CWF19L1: variants seen among roughly 807,000 people sequenced by gnomAD.
CWF19L1 encodes the protein CWF19-like protein 1.
In CWF19L1, 60 loss-of-function variants were observed where a neutral mutation model predicts 69.7. The ratio of observed to expected loss-of-function variants is 0.86; its 90% CI spans 0.70 to 1.07. CWF19L1 has a LOEUF of 1.07. CWF19L1 is among the 50% of genes least tolerant of loss of function. The probability of loss-of-function intolerance (pLI) is 0.00; values close to 1 mark genes in which losing one functional copy is unlikely to be tolerated. For synonymous variants in CWF19L1, 209 were observed against 222.2 expected (o/e 0.94, Z 0.53); for missense variants, 591 against 638.9 (o/e 0.92, Z 0.81).
intron 1 of CWF19L1, among the ~76,000 whole-genome samples, chr10:100,264,123 G>A (rs560016730): frequency 1.3e-5 from 2 of 152,152 alleles, no homozygotes; most frequent in Non-Finnish European, 2.9e-5. Context: ...TTACTCATTT[G>A]TTTGTGGTAA....
intron 4 of CWF19L1, among the ~76,000 whole-genome samples, chr10:100,259,449 T>C (rs1170708962): frequency 3.9e-5 from 6 of 152,006 alleles, no homozygotes; most frequent in African/African-American, 1.4e-4. Flanking sequence ...AAAACCTGAG[T>C]TGCCAAAACC....
Position 100,233,184 on chromosome 10 carries a change from T to G in CWF19L1, c.*43A>C. On this transcript the variant is annotated 3_prime_UTR_variant, in exon 14 of 14. Coordinates refer to ENST00000354105, the MANE Select transcript of CWF19L1 (RefSeq NM_018294.6). ...TTTTAATTAAAAAAAAAAAAAAGCTTTACTACTTCCTGTGGAGTTCATAAA... is the reference window on the plus strand; with the variant it reads ...TTTTAATTAAAAAAAAAAAAAAGCTGTACTACTTCCTGTGGAGTTCATAAA... The G allele has an allele frequency of 6.6e-7, 1 of 1,516,794 alleles. No homozygotes were observed. Among genetic ancestry groups the G allele is most frequent in the Non-Finnish European group, 8.8e-7 (1 of 1,131,076 alleles). The allele number at this position is 1,516,794 out of a possible 1,614,324, so 94.0% of individuals were successfully genotyped here.
At chr10:100,252,744 G>A (rs1038641981) in intron 6 of CWF19L1, among the ~76,000 whole-genome samples, 2 of 150,600 alleles carry the variant, frequency 1.3e-5, no homozygotes, top group African/African-American at 4.9e-5. Flanking sequence ...GCTGAGGCAG[G>A]AGAATCACTT....
At chr10:100,265,475 T>C (rs1195209367) in intron 1 of CWF19L1, among the ~76,000 whole-genome samples, 1 of 100,038 alleles carries the variant, frequency 1.0e-5, no homozygotes, top group East Asian at 2.7e-4. Context: ...CCTACACAGG[T>C]TGTGCCCTTT....
chr10:100,264,249 T>C (rs560587508), intron 1 of CWF19L1, among the ~76,000 whole-genome samples: 11 of 152,338 alleles, frequency 7.2e-5, no homozygotes, highest in Admixed American at 6.5e-4. Context: ...TTATGTATAA[T>C]ATTTAGCATG....
chr10:100,245,900 C>A lies in CWF19L1; in HGVS notation c.863G>T (p.Cys288Phe). ...TTCATTTAAATCAAAGAAAAACTGA[C>A]AGGCTGATTCTTCCTGGAATGGCCA... is the stretch of plus-strand genomic sequence containing the variant. The part of the protein sequence containing the change: ...QILAPVEESA[C>F]QFFFDLNEKQ... Residue 288 changes from cysteine (C) to phenylalanine (F), a missense_variant, in exon 9 of 14, where the codon TGT becomes TTT. Around this residue, in one of 3 missense-constraint regions of CWF19L1, gnomAD observed 458 missense variants for 489.3 expected, o/e 0.94. Transcript: ENST00000354105. 1 of 1,613,638 alleles carries A rather than the reference C, an allele frequency of 6.2e-7. No homozygotes were observed. The highest frequency in any genetic ancestry group is 1.1e-5 in the South Asian group (1 of 91,082).
In CWF19L1 at chr10:100,236,841, C is replaced by T. The variant is rs1022963065; in HGVS notation, c.1374+9G>A. On this transcript the variant is annotated intron_variant, in intron 12 of 13. Coordinates refer to ENST00000354105, the MANE Select transcript of CWF19L1 (RefSeq NM_018294.6). ...ACTCTTCCCTGAATATCACCATCCC[C>T]TGTTTCACCTGCTTGATGTCAGAGT... 6.3e-7 allele frequency: 1 copy of T among 1,578,786 alleles called. No homozygotes were observed. Among genetic ancestry groups the T allele is most frequent in the African/African-American group, 1.4e-5 (1 of 73,086 alleles).
chr10:100,264,273 C>T (rs1000834562), intron 1 of CWF19L1, among the ~76,000 whole-genome samples: 3 of 152,158 alleles, frequency 2.0e-5, no homozygotes, highest in African/African-American at 4.8e-5. Flanking sequence ...TGGCCAGGTG[C>T]GGTGGCTTAC....
chr10:100,262,083 CATT>C lies in CWF19L1; in HGVS notation c.24-23_24-21del. On this transcript the variant is annotated intron_variant, in intron 1 of 13. Transcript: ENST00000354105. ...GCCAAGCTGCAAACAAAGAGATAAA[CATT>C]ATAGCAATTCAGGAAACAAATGGGC... 4.4e-6 allele frequency: 7 copies of C among 1,598,922 alleles called. No individual in the cohort carries two copies. The highest frequency in any genetic ancestry group is 6.0e-6 in the Non-Finnish European group (7 of 1,176,124).
chr10:100,234,494 T>C (rs1846370448), intron 13 of CWF19L1, among the ~76,000 whole-genome samples: 1 of 152,232 alleles, frequency 6.6e-6, no homozygotes, highest in South Asian at 2.1e-4. Context: ...CATCTGTTGC[T>C]GAGGCAACAA....
At chr10:100,235,270 T>A (rs1015541860) in intron 13 of CWF19L1, among the ~76,000 whole-genome samples, 1 of 152,204 alleles carries the variant, frequency 6.6e-6, no homozygotes, top group Admixed American at 6.5e-5. Flanking sequence ...AAATGAGTCA[T>A]GTATGTGTAA....
chr10:100,265,274 T>C lies in CWF19L1; in HGVS notation c.23+2297A>G, dbSNP rs1350831877. Among the ~76,000 whole-genome samples the C allele has an allele frequency of 2.0e-5, 3 of 152,114 alleles. No homozygotes were observed. The East Asian group carries it at 5.8e-4, about 29-fold the overall frequency. On this transcript the variant is annotated intron_variant, in intron 1 of 13. Transcript: ENST00000354105. ...AAGAGTCAAAAAGTGTAAAAAAACT[T>C]AAAGTTTATAAAGTAAAAGTTACAG...
intron 10 of CWF19L1, among the ~76,000 whole-genome samples, chr10:100,238,572 C>G (rs1315140607): frequency 6.6e-6 from 1 of 152,140 alleles, no homozygotes; most frequent in African/African-American, 2.4e-5. Flanking sequence ...ATGCTCCAAA[C>G]TTGAAAACAG....
In CWF19L1 at chr10:100,255,934, A is replaced by G. The variant is rs892028153; in HGVS notation, c.504+328T>C. On this transcript the variant is annotated intron_variant, in intron 5 of 13. Transcript: ENST00000354105. ...GACAGAGTGAGACTCCATCTCAAAA[A>G]AAAACAAAAAACAAAAAACAAAAAA... is the stretch of plus-strand genomic sequence containing the variant. 3.5e-5 allele frequency among the ~76,000 whole-genome samples: 5 copies of G among 141,104 alleles called. No homozygotes were observed. The South Asian group carries it at 7.0e-4, about 20-fold the overall frequency. 92.6% of individuals were successfully genotyped at this position (141,104 alleles called of 152,430 possible).
intron 12 of CWF19L1, among the ~76,000 whole-genome samples, chr10:100,235,981 T>C (rs1846421410): frequency 6.6e-6 from 1 of 152,218 alleles, no homozygotes; most frequent in Non-Finnish European, 1.5e-5. Flanking sequence ...TCTAAGTTCC[T>C]ACCTTAGGAA....
chr10:100,247,599 A>G (rs1846869654), intron 7 of CWF19L1, among the ~76,000 whole-genome samples: 1 of 152,226 alleles, frequency 6.6e-6, no homozygotes, highest in South Asian at 2.1e-4. Context: ...AAACTTTAAT[A>G]AAACTTTGAC....
intron 1 of CWF19L1, among the ~76,000 whole-genome samples, chr10:100,267,129 C>A (rs1847621717): frequency 7.0e-6 from 1 of 142,434 alleles, no homozygotes; most frequent in African/African-American, 2.7e-5. Flanking sequence ...TCACCACCAC[C>A]CCCACCCCTC....
chr10:100,244,522 A>C (rs930789850), intron 9 of CWF19L1, among the ~76,000 whole-genome samples: 13 of 151,378 alleles, frequency 8.6e-5, no homozygotes, highest in African/African-American at 3.2e-4. Context: ...CGCCTGGTTA[A>C]TTTTTTCTAT....
intron 1 of CWF19L1, among the ~76,000 whole-genome samples, chr10:100,264,805 G>A (rs1239531314): frequency 6.6e-6 from 1 of 151,860 alleles, no homozygotes; most frequent in Admixed American, 6.6e-5. Context: ...CTAGACTCGT[G>A]TGTGTGTCTT....
Sources: allele counts gnomAD v4.1 joint callset (sites outside exome capture counted in the v4.1 genomes callset), GRCh38; gene constraint gnomAD v4.1.1; regional missense constraint gnomAD v4.1.1; transcripts MANE v1.5; gene names NCBI Gene and HGNC (gene_info 2026-07-23, HGNC 2026-07-21).